The following NHS variants were observed in gnomAD, a reference collection of about 807,000 sequenced individuals.
The protein encoded by NHS is actin remodeling regulator NHS.
Under a neutral mutation model 72.5 loss-of-function variants are expected in NHS, and 5 were observed. The ratio of observed to expected loss-of-function variants is 0.07; its 90% confidence interval spans 0.04 to 0.14. The LOEUF is 0.14. Ranked by LOEUF, NHS falls within the 10% of genes least tolerant of loss-of-function variation. NHS has a pLI of 1.00. For missense variants in NHS, 1,072 were observed against 1,355.7 expected (o/e 0.79, Z 3.29); for synonymous variants, 464 against 547.7 (o/e 0.85, Z 2.13).
At chrX:17,522,354 T>C (rs1352472139) in intron 1 of NHS, among the ~76,000 whole-genome samples, 1 of 112,105 alleles carries the variant, frequency 8.9e-6, no homozygotes, top group Non-Finnish European at 1.9e-5. Flanking sequence ...ATTTCAACCT[T>C]GGCTTTTTCC....
At chrX:17,706,001 C>A (rs774606049) in intron 3 of NHS, among the ~76,000 whole-genome samples, 1 of 111,077 alleles carries the variant, frequency 9.0e-6, no homozygotes, top group East Asian at 2.8e-4. Context: ...CCAGCCTGGG[C>A]AACATAGCAA....
chrX:17,475,485 G>A (rs758446650), intron 1 of NHS, among the ~76,000 whole-genome samples: 9 of 112,240 alleles, frequency 8.0e-5, no homozygotes, highest in Non-Finnish European at 1.7e-4. Context: ...TTCTCTGTGT[G>A]TCTGTCTGGC....
intron 1 of NHS, among the ~76,000 whole-genome samples, chrX:17,495,108 A>G (rs186800030): frequency 9.2e-4 from 103 of 111,916 alleles, no homozygotes; most frequent in Non-Finnish European, 9.0e-4. Flanking sequence ...GGGAATATTG[A>G]TAGCCCAGGT....
chrX:17,658,272 A>G (rs894318015), intron 1 of NHS, among the ~76,000 whole-genome samples: 20 of 112,539 alleles, frequency 1.8e-4, no homozygotes, highest in African/African-American at 6.1e-4. Flanking sequence ...TGGTTGGATG[A>G]TAGGATTTTT....
intron 3 of NHS, among the ~76,000 whole-genome samples, chrX:17,699,398 G>C (rs1419057621): frequency 8.9e-6 from 1 of 111,874 alleles, no homozygotes; most frequent in Non-Finnish European, 1.9e-5. Flanking sequence ...AAAGAGACCA[G>C]AGTATATATA....
intron 1 of NHS, among the ~76,000 whole-genome samples, chrX:17,507,264 A>G (rs965132367): frequency 8.0e-5 from 9 of 112,346 alleles, no homozygotes; most frequent in Non-Finnish European, 1.5e-4. Flanking sequence ...ATCATTAACA[A>G]TCATGAAATG....
intron 1 of NHS, among the ~76,000 whole-genome samples, chrX:17,433,653 TA>T (rs1478479327): frequency 9.0e-6 from 1 of 111,510 alleles, no homozygotes; most frequent in Admixed American, 9.5e-5. Flanking sequence ...GCACTTGGTT[TA>T]GGATCAGATA....
intron 4 of NHS, among the ~76,000 whole-genome samples, chrX:17,719,982 C>G (rs1427006185): frequency 9.0e-6 from 1 of 111,191 alleles, no homozygotes; most frequent in Non-Finnish European, 1.9e-5. Flanking sequence ...ATCAGTTTCT[C>G]TCTCTCTCTC....
intron 1 of NHS, among the ~76,000 whole-genome samples, chrX:17,498,497 G>A (rs1038863631): frequency 3.6e-5 from 4 of 112,169 alleles, no homozygotes; most frequent in East Asian, 2.8e-4. Flanking sequence ...GGGTGTTGCA[G>A]TCAAGAGGTT....
chrX:17,668,096 A>C (rs1450367064), intron 1 of NHS, among the ~76,000 whole-genome samples: 1 of 108,365 alleles, frequency 9.2e-6, no homozygotes, highest in Non-Finnish European at 1.9e-5. Flanking sequence ...TCTAAAAAAA[A>C]AAAAAAAAAA....
At chrX:17,434,992 T>C (rs954612991) in intron 1 of NHS, among the ~76,000 whole-genome samples, 1 of 111,982 alleles carries the variant, frequency 8.9e-6, no homozygotes, top group African/African-American at 3.2e-5. Flanking sequence ...TAGAAAGAAG[T>C]GACATTTCCA....
chrX:17,376,460 C>G, intron 1 of NHS, 138 bp downstream of exon 1: 2 of 574,087 alleles, frequency 3.5e-6, no homozygotes. Context: ...CCTTCCCACC[C>G]TTCCCATCCC....
At chrX:17,438,511 G>T (rs1356156640) in intron 1 of NHS, among the ~76,000 whole-genome samples, 2 of 111,596 alleles carry the variant, frequency 1.8e-5, no homozygotes, top group African/African-American at 6.5e-5. Context: ...TTCCCAGAGT[G>T]GTTCTCGGCC....
chrX:17,689,141 G>A (rs2066181171), intron 2 of NHS, among the ~76,000 whole-genome samples: 1 of 112,214 alleles, frequency 8.9e-6, no homozygotes, highest in African/African-American at 3.2e-5. Context: ...TATAACTCCT[G>A]CCTTTTCCCC....
intron 1 of NHS, among the ~76,000 whole-genome samples, chrX:17,644,556 C>G (rs749595514): frequency 9.0e-6 from 1 of 111,208 alleles, no homozygotes; most frequent in Admixed American, 9.6e-5. Context: ...GATAGTTGTG[C>G]CTGTCTATCT....
At chrX:17,600,482 C>T (rs1348590291) in intron 1 of NHS, among the ~76,000 whole-genome samples, 2 of 112,252 alleles carry the variant, frequency 1.8e-5, no homozygotes, top group African/African-American at 3.2e-5. Context: ...TAATTTAAGA[C>T]GACGCCGTCA....
At chrX:17,502,086 G>A (rs1472065963) in intron 1 of NHS, among the ~76,000 whole-genome samples, 1 of 111,728 alleles carries the variant, frequency 9.0e-6, no homozygotes, top group Non-Finnish European at 1.9e-5. Flanking sequence ...ATTCTAAATT[G>A]TAGCTTGTGT....
chrX:17,506,927 A>G (rs896540991), intron 1 of NHS, among the ~76,000 whole-genome samples: 6 of 111,926 alleles, frequency 5.4e-5, no homozygotes, highest in Non-Finnish European at 9.4e-5. Context: ...AATCTGTGAC[A>G]TATCTTCTCC....
At chrX:17,461,500 G>A (rs771684859) in intron 1 of NHS, among the ~76,000 whole-genome samples, 2 of 112,582 alleles carry the variant, frequency 1.8e-5, no homozygotes, top group African/African-American at 6.4e-5. Flanking sequence ...TTAAAGAGGG[G>A]TTGTTCTCTT....
Sources: gnomAD v4.1 joint callset for allele counts (sites outside exome capture counted in the v4.1 genomes callset) on GRCh38, gnomAD v4.1.1 for gene constraint, MANE v1.5 for transcripts, NCBI Gene and HGNC (gene_info 2026-07-23, HGNC 2026-07-21) for gene names.